Variants in ENTREP1 observed in about 807,000 individuals in gnomAD.
ENTREP1 encodes endosomal transmembrane epsin interactor 1, also known as Friedreich ataxia region gene X123.
chr9:69,375,595 T>G, the ENTREP1 span: 1 of 651,342 alleles, frequency 1.5e-6, no homozygotes, highest in Non-Finnish European at 2.6e-6. Flanking sequence ...TGCTATACCC[T>G]AGCCCATCCT....
the ENTREP1 span, among the ~76,000 whole-genome samples, chr9:69,330,498 A>C: frequency 6.6e-6 from 1 of 152,198 alleles, no homozygotes; most frequent in Non-Finnish European, 1.5e-5. Context: ...TTTCACGTAA[A>C]GAGACAGACA....
chr9:69,353,997 C>G, the ENTREP1 span, among the ~76,000 whole-genome samples: 55 of 152,182 alleles, frequency 3.6e-4, no homozygotes, highest in Admixed American at 1.6e-3. Flanking sequence ...ATCTGGACCC[C>G]TATTTCCCTT....
At chr9:69,325,128 T>A in the ENTREP1 span, 1 of 1,036,514 alleles carries the variant, frequency 9.6e-7, no homozygotes, top group Non-Finnish European at 1.2e-6. Flanking sequence ...TGCGGCCGGC[T>A]GGAGCCAGGG....
chr9:69,384,793 G>T, the ENTREP1 span, among the ~76,000 whole-genome samples: 3 of 152,128 alleles, frequency 2.0e-5, no homozygotes, highest in Admixed American at 2.0e-4. Context: ...TAATTTTTCA[G>T]CAGTACTATT....
chr9:69,363,748 C>T, the ENTREP1 span, among the ~76,000 whole-genome samples: 2 of 152,280 alleles, frequency 1.3e-5, no homozygotes, highest in South Asian at 2.1e-4. Flanking sequence ...CGTCAGGGGT[C>T]CCTGTTGGTT....
At chr9:69,333,695 G>A in the ENTREP1 span, among the ~76,000 whole-genome samples, 3 of 152,184 alleles carry the variant, frequency 2.0e-5, no homozygotes, top group Admixed American at 6.5e-5. Flanking sequence ...AATGTCAAAC[G>A]CTAACTAATA....
chr9:69,385,778 TTTTTTTTTTA>T, the ENTREP1 span: 63 of 1,367,192 alleles, frequency 4.6e-5, no homozygotes, highest in Non-Finnish European at 5.3e-5. Context: ...TTTTTTTTTT[TTTTTTTTTTA>T]AATCAGATGG....
At chr9:69,382,989 C>T in the ENTREP1 span, 4 of 980,344 alleles carry the variant, frequency 4.1e-6, no homozygotes, top group Non-Finnish European at 2.4e-6. Flanking sequence ...TCATCTGGTA[C>T]CTTGGGCAGA....
chr9:69,390,870 G>C, the ENTREP1 span, among the ~76,000 whole-genome samples: 1 of 152,036 alleles, frequency 6.6e-6, no homozygotes, highest in African/African-American at 2.4e-5. Context: ...AGAACTCCTG[G>C]GCTCAAGTAA....
chr9:69,367,672 C>CATATATAAATATATATATACACAT, the ENTREP1 span, among the ~76,000 whole-genome samples: 1 of 113,664 alleles, frequency 8.8e-6, no homozygotes, highest in South Asian at 2.7e-4. Context: ...TATATACACA[C>CATATATAAATATATATATACACAT]ATATATAAAT....
chr9:69,335,549 G>A, the ENTREP1 span, among the ~76,000 whole-genome samples: 1 of 152,198 alleles, frequency 6.6e-6, no homozygotes, highest in South Asian at 2.1e-4. Flanking sequence ...GGAGGGGCCA[G>A]GGTATGTAAA....
chr9:69,324,645 C>A, the ENTREP1 span: 4 of 985,322 alleles, frequency 4.1e-6, no homozygotes, highest in Admixed American at 6.1e-5. Context: ...GCACGTCCTG[C>A]GCCCTGTGAG....
the ENTREP1 span, among the ~76,000 whole-genome samples, chr9:69,351,412 A>G: frequency 6.6e-6 from 1 of 152,166 alleles, no homozygotes; most frequent in East Asian, 1.9e-4. Context: ...GATGATGATG[A>G]TGATGATTGT....
the ENTREP1 span, among the ~76,000 whole-genome samples, chr9:69,341,909 A>C: frequency 0.79 from 119,922 of 151,672 alleles, 47,515 homozygotes; most frequent in South Asian, 0.87. Context: ...TCTTGACCCA[A>C]AAGTCAAGAG....
chr9:69,330,877 T>C, the ENTREP1 span, among the ~76,000 whole-genome samples: 1 of 152,220 alleles, frequency 6.6e-6, no homozygotes, highest in African/African-American at 2.4e-5. Flanking sequence ...GCATCACTGC[T>C]GGACCCAAGC....
the ENTREP1 span, among the ~76,000 whole-genome samples, chr9:69,377,018 G>A: frequency 6.6e-5 from 10 of 152,284 alleles, no homozygotes; most frequent in South Asian, 1.0e-3. Flanking sequence ...TATCCCTGGG[G>A]AAATCAGCCT....
chr9:69,378,803 C>T, the ENTREP1 span, among the ~76,000 whole-genome samples: 11 of 151,862 alleles, frequency 7.2e-5, no homozygotes, highest in South Asian at 8.3e-4. Context: ...ATTCAACAAA[C>T]GTGGAATCCT....
At chr9:69,358,417 A>G in the ENTREP1 span, among the ~76,000 whole-genome samples, 1 of 152,172 alleles carries the variant, frequency 6.6e-6, no homozygotes, top group Non-Finnish European at 1.5e-5. Context: ...TGACTGGTTG[A>G]CTGACTCATT....
the ENTREP1 span, among the ~76,000 whole-genome samples, chr9:69,353,152 TAGA>T: frequency 1.3e-5 from 2 of 152,000 alleles, no homozygotes; most frequent in African/African-American, 4.8e-5. Context: ...AAAATAAAAG[TAGA>T]AGAAGATAAC....
Sources: allele counts gnomAD v4.1 joint callset (sites outside exome capture counted in the v4.1 genomes callset), GRCh38; gene constraint gnomAD v4.1.1; transcripts MANE v1.5; gene names NCBI Gene and HGNC (gene_info 2026-07-23, HGNC 2026-07-21).